EBF1: variants seen among roughly 807,000 people sequenced by gnomAD.
EBF1 encodes EBF transcription factor 1.
In EBF1, 10 loss-of-function variants were observed where a neutral mutation model predicts 68.4. That is an observed-to-expected ratio of 0.15 (90% confidence interval 0.09 to 0.25). The LOEUF (loss-of-function observed/expected upper bound fraction) is 0.25, where lower values mean the gene tolerates loss of function less well. Ranked by LOEUF, EBF1 falls within the 10% of genes least tolerant of loss-of-function variation. The pLI, the probability that EBF1 is intolerant of heterozygous loss-of-function variation, is 1.00. For missense variants in EBF1, 509 were observed against 794.4 expected (o/e 0.64, Z 4.32); for synonymous variants, 298 against 299.8 (o/e 0.99, Z 0.06).
chr5:158,699,974 C>G (rs1332435525), intron 15 of EBF1, among the ~76,000 whole-genome samples: 3 of 152,224 alleles, frequency 2.0e-5, no homozygotes, highest in Non-Finnish European at 4.4e-5. Context: ...AGTCCCACCT[C>G]TGGCTTTTCT....
chr5:158,794,742 A>C (rs1467656458), intron 9 of EBF1, among the ~76,000 whole-genome samples: 2 of 152,158 alleles, frequency 1.3e-5, no homozygotes, highest in Non-Finnish European at 2.9e-5. Flanking sequence ...AGCCCACAAG[A>C]CCTGGGACAG....
At chr5:158,820,355 C>A (rs1342843435) in intron 8 of EBF1, among the ~76,000 whole-genome samples, 3 of 152,162 alleles carry the variant, frequency 2.0e-5, no homozygotes, top group Non-Finnish European at 4.4e-5. Context: ...GACTTTTCAA[C>A]AGCAAAATAA....
At chr5:158,796,902 T>A (rs923203735) in intron 8 of EBF1, among the ~76,000 whole-genome samples, 4 of 152,146 alleles carry the variant, frequency 2.6e-5, no homozygotes, top group Non-Finnish European at 5.9e-5. Context: ...TACCATCCAA[T>A]AGGAAACTAA....
At chr5:158,874,494 G>T (rs902594375) in intron 6 of EBF1, among the ~76,000 whole-genome samples, 1 of 152,130 alleles carries the variant, frequency 6.6e-6, no homozygotes, top group Admixed American at 6.5e-5. Flanking sequence ...AAGGCTCTTG[G>T]TAAATGTCTA....
chr5:158,728,865 T>A (rs1400269566), intron 11 of EBF1, among the ~76,000 whole-genome samples: 2 of 152,222 alleles, frequency 1.3e-5, no homozygotes, highest in Non-Finnish European at 2.9e-5. Flanking sequence ...GCTCGATAAG[T>A]ATTTTTAAAG....
chr5:158,964,980 C>T (rs1050794609), intron 6 of EBF1, among the ~76,000 whole-genome samples: 4 of 152,168 alleles, frequency 2.6e-5, no homozygotes, highest in African/African-American at 4.8e-5. Flanking sequence ...ACATGTGATG[C>T]GTCAAACAAA....
intron 6 of EBF1, among the ~76,000 whole-genome samples, chr5:158,979,664 C>T (rs1757511321): frequency 7.1e-6 from 1 of 140,228 alleles, no homozygotes; most frequent in African/African-American, 2.5e-5. Flanking sequence ...CCTAACAATG[C>T]ATGAAATTTT....
chr5:158,950,482 G>A (rs758664839), intron 6 of EBF1, among the ~76,000 whole-genome samples: 1 of 152,206 alleles, frequency 6.6e-6, no homozygotes, highest in Non-Finnish European at 1.5e-5. Flanking sequence ...AAGTGGATTT[G>A]TGTGAGAAAT....
intron 6 of EBF1, chr5:158,984,568 G>C (rs944681517): frequency 2.0e-5 from 3 of 151,768 alleles, no homozygotes; most frequent in Non-Finnish European, 4.4e-5. Flanking sequence ...CAATGAGGGA[G>C]TCTCAGTTTG....
chr5:159,061,010 AG>A (rs1017362650), intron 6 of EBF1, among the ~76,000 whole-genome samples: 9 of 151,796 alleles, frequency 5.9e-5, no homozygotes, highest in African/African-American at 2.2e-4. Context: ...GTGGTAAACT[AG>A]GTCTATGATT....
chr5:158,924,628 G>A (rs7730079), intron 6 of EBF1, among the ~76,000 whole-genome samples: 2,731 of 152,026 alleles, frequency 0.018, 100 homozygotes, highest in African/African-American at 0.062. Context: ...CGAGGCGGGC[G>A]GATCACGAGG....
chr5:158,897,965 T>C (rs896237987), intron 6 of EBF1, among the ~76,000 whole-genome samples: 1 of 152,208 alleles, frequency 6.6e-6, no homozygotes, highest in South Asian at 2.1e-4. Flanking sequence ...GCGAGGCATC[T>C]AGAGGGCTCA....
intron 6 of EBF1, among the ~76,000 whole-genome samples, chr5:158,974,900 G>A (rs1046885136): frequency 2.0e-5 from 3 of 152,182 alleles, no homozygotes; most frequent in Non-Finnish European, 4.4e-5. Context: ...AAGGGTCTTC[G>A]ATGCACCTCT....
At chr5:158,740,262 C>T (rs1286187369) in intron 10 of EBF1, among the ~76,000 whole-genome samples, 2 of 152,136 alleles carry the variant, frequency 1.3e-5, no homozygotes, top group Admixed American at 6.5e-5. Flanking sequence ...GGCTCCAAGG[C>T]GAAGAAATCC....
chr5:158,843,142 G>A (rs1010233900), intron 6 of EBF1, among the ~76,000 whole-genome samples: 2 of 152,092 alleles, frequency 1.3e-5, no homozygotes, highest in Admixed American at 1.3e-4. Context: ...TCTCCCTTAA[G>A]AGGGCCCCCT....
At chr5:159,012,114 C>T (rs1485242374) in intron 6 of EBF1, among the ~76,000 whole-genome samples, 1 of 151,996 alleles carries the variant, frequency 6.6e-6, no homozygotes, top group Non-Finnish European at 1.5e-5. Flanking sequence ...TGGTGAAACC[C>T]CATCTCTACT....
At chr5:158,901,327 A>T (rs1167699720) in intron 6 of EBF1, among the ~76,000 whole-genome samples, 1 of 152,172 alleles carries the variant, frequency 6.6e-6, no homozygotes, top group Non-Finnish European at 1.5e-5. Flanking sequence ...AATTGCCTTA[A>T]TTATTTATTT....
intron 4 of EBF1, among the ~76,000 whole-genome samples, chr5:159,085,965 T>C (rs1024107842): frequency 1.3e-5 from 2 of 152,068 alleles, no homozygotes; most frequent in African/African-American, 4.8e-5. Flanking sequence ...AAAATGAACA[T>C]TGCAGTAAAA....
At chr5:158,735,606 A>G (rs919385480) in intron 10 of EBF1, among the ~76,000 whole-genome samples, 2 of 152,174 alleles carry the variant, frequency 1.3e-5, no homozygotes, top group Non-Finnish European at 2.9e-5. Flanking sequence ...ATGATGTGAT[A>G]CTGGGGAATG....
Sources: gnomAD v4.1 joint callset for allele counts (sites outside exome capture counted in the v4.1 genomes callset) on GRCh38, gnomAD v4.1.1 for gene constraint, MANE v1.5 for transcripts, NCBI Gene and HGNC (gene_info 2026-07-23, HGNC 2026-07-21) for gene names.